Variants in KLF17 observed in about 807,000 individuals in gnomAD.
KLF17 encodes the protein KLF transcription factor 17.
A neutral mutation model predicts 34.2 loss-of-function variants in KLF17; 31 were observed. The ratio of observed to expected loss-of-function variants is 0.91; its 90% confidence interval spans 0.68 to 1.22. The LOEUF is 1.22. Ranked by LOEUF, KLF17 falls within the 50% of genes most tolerant of loss-of-function variation. KLF17 has a pLI of 0.00. For missense variants in KLF17, 478 were observed against 505.2 expected (o/e 0.95, Z 0.52); for synonymous variants, 179 against 186.7 (o/e 0.96, Z 0.34).
chr1:44,117,580 C>T (rs1218779840), upstream of KLF17, among the ~76,000 whole-genome samples: 1 of 151,884 alleles, frequency 6.6e-6, no homozygotes, highest in Non-Finnish European at 1.5e-5. Context: ...ACTGGAACCT[C>T]CACCACCCGG....
the KLF17 span, chr1:44,104,017 A>G: frequency 1.2e-6 from 1 of 860,816 alleles, no homozygotes; most frequent in Admixed American, 1.7e-5. Flanking sequence ...GTGTCCATGG[A>G]GCGGCTGTTG....
At chr1:44,059,201 C>CA in the KLF17 span, among the ~76,000 whole-genome samples, 6 of 152,270 alleles carry the variant, frequency 3.9e-5, no homozygotes, top group South Asian at 1.2e-3. Context: ...AACACTCAGC[C>CA]AGAGGTGGTA....
the KLF17 span, among the ~76,000 whole-genome samples, chr1:44,090,648 A>G: frequency 1.3e-5 from 2 of 152,122 alleles, no homozygotes; most frequent in African/African-American, 4.8e-5. Flanking sequence ...AATCCTGTAG[A>G]TCAGAGCACT....
At chr1:44,117,460 ATTTTATTTAT>A (rs1363389020), upstream of KLF17, 517 of 141,356 alleles carry the variant, frequency 3.7e-3, 3 homozygotes, top group African/African-American at 0.013. Context: ...ATTTTATTTT[ATTTTATTTAT>A]TTTATTTTAT....
chr1:44,087,690 G>T, the KLF17 span, among the ~76,000 whole-genome samples: 1 of 135,364 alleles, frequency 7.4e-6, no homozygotes, highest in Non-Finnish European at 1.6e-5. Context: ...CTGTGACTAT[G>T]CAGAGAGCTC....
chr1:44,061,926 G>A, the KLF17 span, among the ~76,000 whole-genome samples: 5 of 152,072 alleles, frequency 3.3e-5, no homozygotes, highest in African/African-American at 4.8e-5. Flanking sequence ...CAAAAAAAAG[G>A]GTATAAATAT....
At chr1:44,122,532 T>G (rs573171063) in intron 1 of KLF17, 1 of 837,942 alleles carries the variant, frequency 1.2e-6, no homozygotes, top group Admixed American at 1.7e-5. Context: ...GCCATCACCC[T>G]TTGGGTCCGA....
chr1:44,085,807 C>CAAAAA, the KLF17 span, among the ~76,000 whole-genome samples: 195 of 63,174 alleles, frequency 3.1e-3, 1 homozygote, highest in Middle Eastern at 0.062. Context: ...TCTGTCTCAA[C>CAAAAA]AAAAAAAAAA....
chr1:44,109,466 C>G, the KLF17 span, among the ~76,000 whole-genome samples: 13 of 152,164 alleles, frequency 8.5e-5, no homozygotes, highest in Non-Finnish European at 1.8e-4. Context: ...AATCCTTGGG[C>G]AAGTCAGACT....
chr1:44,122,459 T>G (rs2087959071), intron 1 of KLF17: 1 of 1,219,468 alleles, frequency 8.2e-7, no homozygotes, highest in African/African-American at 1.5e-5. Flanking sequence ...TGTTCTTCAA[T>G]GCAATGGTTA....
upstream of KLF17, chr1:44,115,030 T>C (rs1413989621): frequency 2.0e-5 from 3 of 152,172 alleles, no homozygotes; most frequent in Non-Finnish European, 4.4e-5. Flanking sequence ...CACATCCAAG[T>C]TTACACTGTA....
the KLF17 span, among the ~76,000 whole-genome samples, chr1:44,066,992 C>T: frequency 6.6e-6 from 1 of 152,050 alleles, no homozygotes; most frequent in Non-Finnish European, 1.5e-5. Flanking sequence ...AGATGACGTT[C>T]TCAAATAGTG....
the KLF17 span, among the ~76,000 whole-genome samples, chr1:44,057,888 A>G: frequency 6.6e-6 from 1 of 152,194 alleles, no homozygotes; most frequent in African/African-American, 2.4e-5. Context: ...GTACAACATC[A>G]AGGAACATAC....
intron 1 of KLF17, among the ~76,000 whole-genome samples, chr1:44,120,495 G>T (rs965936687): frequency 6.6e-6 from 1 of 152,210 alleles, no homozygotes; most frequent in Admixed American, 6.5e-5. Flanking sequence ...GTGGCCAGTG[G>T]TCGTATAAGC....
intron 2 of KLF17, 89 bp from the exon 3 acceptor site, chr1:44,130,423 A>AT: frequency 6.5e-7 from 1 of 1,544,860 alleles, no homozygotes; most frequent in Non-Finnish European, 8.9e-7. Flanking sequence ...TCCCTTTTGA[A>AT]TCCTCAACCT....
chr1:44,088,611 T>C, the KLF17 span: 1 of 152,272 alleles, frequency 6.6e-6, no homozygotes, highest in Non-Finnish European at 1.5e-5. Context: ...TCCTATGCGA[T>C]AGGGCCACTC....
chr1:44,071,536 G>A, the KLF17 span, among the ~76,000 whole-genome samples: 1 of 152,152 alleles, frequency 6.6e-6, no homozygotes, highest in Non-Finnish European at 1.5e-5. Flanking sequence ...CAGGCCCCAA[G>A]CTCAAGCCTT....
At chr1:44,058,791 C>T in the KLF17 span, among the ~76,000 whole-genome samples, 3 of 142,168 alleles carry the variant, frequency 2.1e-5, no homozygotes, top group Admixed American at 1.5e-4. Context: ...CCCTTTTTAA[C>T]TTCAGATCTC....
chr1:44,073,854 T>C, the KLF17 span, among the ~76,000 whole-genome samples: 2 of 152,196 alleles, frequency 1.3e-5, no homozygotes, highest in African/African-American at 4.8e-5. Context: ...TACTTTTTTT[T>C]CTCCTTTACT....
Sources: allele counts gnomAD v4.1 joint callset (sites outside exome capture counted in the v4.1 genomes callset), GRCh38; gene constraint gnomAD v4.1.1; transcripts MANE v1.5; gene names NCBI Gene and HGNC (gene_info 2026-07-23, HGNC 2026-07-21).